The following NTRK2 variants were observed in gnomAD, a reference collection of about 807,000 sequenced individuals.
NTRK2 encodes the protein BDNF/NT-3 growth factors receptor.
A neutral mutation model predicts 94.5 loss-of-function variants in NTRK2; 13 were observed. The ratio of observed to expected loss-of-function variants is 0.14; its 90% confidence interval spans 0.09 to 0.22. The LOEUF (loss-of-function observed/expected upper bound fraction) is 0.22, where lower values mean the gene tolerates loss of function less well. NTRK2 is among the 10% of genes least tolerant of loss of function. The pLI, the probability that NTRK2 is intolerant of heterozygous loss-of-function variation, is 1.00. For missense variants in NTRK2, 639 were observed against 1,071.2 expected (o/e 0.60, Z 5.63); for synonymous variants, 372 against 407.4 (o/e 0.91, Z 1.05).
At chr9:84,701,888 G>C (rs2060751240) in intron 2 of NTRK2, among the ~76,000 whole-genome samples, 1 of 152,200 alleles carries the variant, frequency 6.6e-6, no homozygotes, top group African/African-American at 2.4e-5. Context: ...CTCCAAAAGG[G>C]AAAGAAAAGT....
rs1273010732 is a variant in NTRK2 at position 84,721,745 on chromosome 9, A to T, written c.584-1828A>T. ...AAGAGATGAAATGGGTGCCTCAGGGAACAGGAAATAGTGCCACATGGGTAA... is the reference window on the plus strand; with the variant it reads ...AAGAGATGAAATGGGTGCCTCAGGGTACAGGAAATAGTGCCACATGGGTAA... On this transcript the variant is annotated intron_variant, in intron 6 of 18. Transcript: ENST00000277120. Among the ~76,000 whole-genome samples the T allele has an allele frequency of 5.9e-5, 9 of 152,312 alleles. 2 individuals carry two copies. In the South Asian group the frequency reaches 8.3e-4, roughly 14 times the overall value.
chr9:84,811,927 C>CCCG, intron 12 of NTRK2: 2 of 979,540 alleles, frequency 2.0e-6, no homozygotes, highest in Non-Finnish European at 2.5e-6. Flanking sequence ...CCACCCCACC[C>CCCG]TGTTCCTTTT....
At chr9:84,977,228 C>G (rs1826992127) in intron 17 of NTRK2, among the ~76,000 whole-genome samples, 2 of 151,128 alleles carry the variant, frequency 1.3e-5, no homozygotes, top group South Asian at 4.2e-4. Context: ...TCAGGGCCAA[C>G]AGCCTGAACA....
intron 11 of NTRK2, 112 bp downstream of exon 11, chr9:84,745,185 G>T (rs1393422185): frequency 5.8e-6 from 4 of 694,086 alleles, no homozygotes; most frequent in African/African-American, 3.0e-5. Context: ...TATAAATAGG[G>T]TGTTAACACC....
chr9:84,828,902 T>C (rs2073354036), intron 12 of NTRK2, among the ~76,000 whole-genome samples: 1 of 152,116 alleles, frequency 6.6e-6, no homozygotes, highest in African/African-American at 2.4e-5. Context: ...GATAGTAGCT[T>C]GTTAGTGTTT....
intron 12 of NTRK2, among the ~76,000 whole-genome samples, chr9:84,816,209 A>T (rs1309897705): frequency 6.6e-6 from 1 of 152,162 alleles, no homozygotes; most frequent in African/African-American, 2.4e-5. Context: ...TAGAGGGAAG[A>T]TACCATGAGA....
At chr9:84,861,146 T>G (rs1244858482) in intron 13 of NTRK2, 59 bp downstream of exon 13, 1 of 1,305,176 alleles carries the variant, frequency 7.7e-7, no homozygotes, top group African/African-American at 1.4e-5. Context: ...TTTATTCGGA[T>G]GAAAATGCTT....
At chr9:85,001,294 G>A (rs969024243) in intron 17 of NTRK2, among the ~76,000 whole-genome samples, 20 of 152,170 alleles carry the variant, frequency 1.3e-4, no homozygotes, top group African/African-American at 4.3e-4. Context: ...TCACCCTTGG[G>A]CAGCCAGAGT....
intron 14 of NTRK2, among the ~76,000 whole-genome samples, chr9:84,896,462 C>G (rs1394900670): frequency 6.6e-6 from 1 of 152,200 alleles, no homozygotes; most frequent in Non-Finnish European, 1.5e-5. Context: ...GTTCTAATCA[C>G]TTGTGAAACC....
chr9:84,861,231 C>G, intron 13 of NTRK2, 144 bp downstream of exon 13: 1 of 681,270 alleles, frequency 1.5e-6, no homozygotes, highest in Non-Finnish European at 2.5e-6. Flanking sequence ...AGAAGTAGGT[C>G]TAGAATTTTT....
intron 14 of NTRK2, among the ~76,000 whole-genome samples, chr9:84,880,170 C>T (rs2076211968): frequency 6.6e-6 from 1 of 152,184 alleles, no homozygotes; most frequent in Non-Finnish European, 1.5e-5. Flanking sequence ...AGTGGGTTCA[C>T]TCCTCGGAGA....
chr9:85,023,628 A>T lies in NTRK2; in HGVS notation c.*2191A>T. ...CTAGAATACACATAATAACATAATG[A>T]AAGCCATATCTCCATGATATATATG... On this transcript the variant is annotated 3_prime_UTR_variant, in exon 19 of 19. Coordinates refer to ENST00000277120, the MANE Select transcript of NTRK2 (RefSeq NM_006180.6). 1 of 229,736 alleles carries T rather than the reference A, an allele frequency of 4.4e-6. No homozygotes were observed. Among genetic ancestry groups the T allele is most frequent in the Non-Finnish European group, 8.6e-6 (1 of 116,042 alleles). The allele number at this position is 229,736 out of a possible 1,614,324, so 14.2% of individuals were successfully genotyped here. A position where few individuals can be genotyped will look rare whatever the true frequency, so the allele number is the denominator to read the frequency against.
intron 12 of NTRK2, among the ~76,000 whole-genome samples, chr9:84,779,120 A>G (rs986002725): frequency 4.6e-5 from 7 of 152,214 alleles, no homozygotes; most frequent in Non-Finnish European, 1.0e-4. Context: ...TTATCTTGCC[A>G]AGGTCTCTGG....
chr9:84,706,518 T>G (rs2061080381), intron 4 of NTRK2, among the ~76,000 whole-genome samples: 1 of 109,028 alleles, frequency 9.2e-6, no homozygotes. Context: ...TGTGTTATTT[T>G]TTGTTTTTGT....
chr9:84,945,929 C>T (rs902915801), intron 15 of NTRK2, among the ~76,000 whole-genome samples: 15 of 152,148 alleles, frequency 9.9e-5, no homozygotes, highest in African/African-American at 3.6e-4. Flanking sequence ...AATGCCTCAC[C>T]TGCTAATCTC....
intron 12 of NTRK2, among the ~76,000 whole-genome samples, chr9:84,765,680 C>T (rs533709442): frequency 6.2e-4 from 94 of 152,236 alleles, no homozygotes; most frequent in Admixed American, 1.9e-3. Context: ...GCGTGTCATA[C>T]GTGACTAGTA....
chr9:84,840,686 A>T (rs2074130271), intron 12 of NTRK2, among the ~76,000 whole-genome samples: 1 of 152,112 alleles, frequency 6.6e-6, no homozygotes. Flanking sequence ...CTTCCCATGC[A>T]CCATGCCCCA....
intron 14 of NTRK2, chr9:84,877,257 C>A: frequency 1.9e-6 from 2 of 1,065,830 alleles, no homozygotes; most frequent in Non-Finnish European, 2.3e-6. Flanking sequence ...CTCTTTAGTT[C>A]TCTTTGAGGA....
At chr9:84,910,166 T>C (rs2077197812) in intron 14 of NTRK2, among the ~76,000 whole-genome samples, 1 of 152,224 alleles carries the variant, frequency 6.6e-6, no homozygotes. Context: ...CCAATTGCTC[T>C]GTCACCATTT....
Sources: gnomAD v4.1 joint callset for allele counts (sites outside exome capture counted in the v4.1 genomes callset) on GRCh38, gnomAD v4.1.1 for gene constraint, MANE v1.5 for transcripts, NCBI Gene and HGNC (gene_info 2026-07-23, HGNC 2026-07-21) for gene names.